CYP7B1: variants seen among roughly 807,000 people sequenced by gnomAD.
The protein encoded by CYP7B1 is cytochrome P450 family 7 subfamily B member 1.
CYP7B1 carries 29 observed loss-of-function variants against 42.7 expected under a neutral mutation model. That is an observed-to-expected ratio of 0.68 (90% CI 0.51 to 0.93). The LOEUF (loss-of-function observed/expected upper bound fraction) is 0.93, where lower values mean the gene tolerates loss of function less well. Ranked by LOEUF, CYP7B1 falls within the 40% of genes least tolerant of loss-of-function variation. The pLI is 0.00. For missense variants in CYP7B1, 655 were observed against 600.5 expected (o/e 1.09, Z -0.95); for synonymous variants, 235 against 218.2 (o/e 1.08, Z -0.68).
At chr8:64,719,479 T>C (rs1444150569) in intron 1 of CYP7B1, among the ~76,000 whole-genome samples, 1 of 152,230 alleles carries the variant, frequency 6.6e-6, no homozygotes. Flanking sequence ...TTGCTGCTTG[T>C]CAAAGTGACT....
intron 1 of CYP7B1, among the ~76,000 whole-genome samples, chr8:64,637,059 G>A (rs1805784478): frequency 6.6e-6 from 1 of 152,100 alleles, no homozygotes; most frequent in East Asian, 1.9e-4. Context: ...TTATTACAGA[G>A]GACTAGCCCA....
At chr8:64,754,227 G>A (rs1807773917) in intron 1 of CYP7B1, among the ~76,000 whole-genome samples, 1 of 152,242 alleles carries the variant, frequency 6.6e-6, no homozygotes, top group Non-Finnish European at 1.5e-5. Context: ...AAGTCGGGAA[G>A]AGTCTGAAAC....
chr8:64,744,197 G>T (rs1403283307), intron 1 of CYP7B1, among the ~76,000 whole-genome samples: 6 of 152,054 alleles, frequency 3.9e-5, no homozygotes, highest in Non-Finnish European at 1.5e-5. Flanking sequence ...ATGAAATATT[G>T]TCTGTTTATT....
chr8:64,733,987 TA>T (rs1193816485), intron 1 of CYP7B1, among the ~76,000 whole-genome samples: 1 of 151,618 alleles, frequency 6.6e-6, no homozygotes, highest in Non-Finnish European at 1.5e-5. Flanking sequence ...ATATTAAAAT[TA>T]AAATTAAAAA....
downstream of CYP7B1, among the ~76,000 whole-genome samples, chr8:64,590,696 C>A (rs1224074992): frequency 6.6e-6 from 1 of 152,008 alleles, no homozygotes; most frequent in Non-Finnish European, 1.5e-5. Context: ...AGGAGAGCAT[C>A]AGATGATAAG....
At chr8:64,769,329 T>G (rs922926886) in intron 1 of CYP7B1, among the ~76,000 whole-genome samples, 1 of 152,140 alleles carries the variant, frequency 6.6e-6, no homozygotes, top group African/African-American at 2.4e-5. Flanking sequence ...GAGACAATAG[T>G]AAGATTCAAT....
chr8:64,757,584 A>C (rs927713266), intron 1 of CYP7B1, among the ~76,000 whole-genome samples: 3 of 152,184 alleles, frequency 2.0e-5, no homozygotes, highest in African/African-American at 7.2e-5. Context: ...CCTATGTGGC[A>C]CCACTTCAAG....
intron 1 of CYP7B1, among the ~76,000 whole-genome samples, chr8:64,635,704 T>C (rs1805759553): frequency 6.6e-6 from 1 of 152,200 alleles, no homozygotes. Flanking sequence ...ATTTCTCAGG[T>C]GAATTCAGAG....
At chr8:64,646,534 T>C (rs143854272) in intron 1 of CYP7B1, among the ~76,000 whole-genome samples, 18 of 152,358 alleles carry the variant, frequency 1.2e-4, no homozygotes, top group Admixed American at 3.3e-4. Flanking sequence ...GAAGAGAATC[T>C]GTCCTTTGAA....
chr8:64,588,001 T>C (rs1292738767), downstream of CYP7B1, among the ~76,000 whole-genome samples: 1 of 152,172 alleles, frequency 6.6e-6, no homozygotes, highest in Non-Finnish European at 1.5e-5. Flanking sequence ...AGTTAATTCT[T>C]TCCCAAAGAC....
chr8:64,777,995 T>C (rs1004521244), intron 1 of CYP7B1, among the ~76,000 whole-genome samples: 5 of 151,826 alleles, frequency 3.3e-5, no homozygotes, highest in Admixed American at 6.6e-5. Flanking sequence ...GTGGGTATTA[T>C]GCCATATACT....
At chr8:64,784,733 G>A (rs76891674) in intron 1 of CYP7B1, among the ~76,000 whole-genome samples, 2,300 of 152,148 alleles carry the variant, frequency 0.015, 68 homozygotes, top group African/African-American at 0.05. Flanking sequence ...GAACTGAATC[G>A]CACTTATTTT....
chr8:64,771,086 G>C (rs969319908), intron 1 of CYP7B1, among the ~76,000 whole-genome samples: 1 of 48,246 alleles, frequency 2.1e-5, no homozygotes, highest in African/African-American at 9.6e-5. Flanking sequence ...TTTTTAGACA[G>C]GGTCTTGCTC....
chr8:64,672,861 G>A (rs1392434860), intron 1 of CYP7B1, among the ~76,000 whole-genome samples: 1 of 152,118 alleles, frequency 6.6e-6, no homozygotes, highest in African/African-American at 2.4e-5. Context: ...ATCAATGAGT[G>A]AGCCCCTTTG....
chr8:64,747,703 A>C (rs920698971), intron 1 of CYP7B1, among the ~76,000 whole-genome samples: 2 of 151,864 alleles, frequency 1.3e-5, no homozygotes, highest in African/African-American at 4.8e-5. Flanking sequence ...ATATAAATAT[A>C]ATATTCAACT....
chr8:64,643,154 C>CAT (rs1477432182), intron 1 of CYP7B1, among the ~76,000 whole-genome samples: 3,245 of 90,702 alleles, frequency 0.036, 286 homozygotes, highest in South Asian at 0.1. Context: ...TACATATATA[C>CAT]ATATATACAC....
At chr8:64,726,504 C>G (rs1423105751) in intron 1 of CYP7B1, among the ~76,000 whole-genome samples, 6 of 152,160 alleles carry the variant, frequency 3.9e-5, no homozygotes, top group African/African-American at 1.4e-4. Flanking sequence ...GGAACGGGCA[C>G]TAGATTGAAG....
intron 1 of CYP7B1, among the ~76,000 whole-genome samples, chr8:64,771,054 T>TTTTTC (rs1804215591): frequency 1.1e-5 from 1 of 94,624 alleles, no homozygotes; most frequent in African/African-American, 6.7e-5. Context: ...CATCTTTTTT[T>TTTTTC]TTTTTTTTTT....
intron 1 of CYP7B1, among the ~76,000 whole-genome samples, chr8:64,687,780 G>A (rs1031439276): frequency 2.0e-5 from 3 of 152,154 alleles, no homozygotes; most frequent in Non-Finnish European, 2.9e-5. Flanking sequence ...TCAAGTATGT[G>A]TTACTCCATA....
Sources: gnomAD v4.1 joint callset for allele counts (sites outside exome capture counted in the v4.1 genomes callset) on GRCh38, gnomAD v4.1.1 for gene constraint, MANE v1.5 for transcripts, NCBI Gene and HGNC (gene_info 2026-07-23, HGNC 2026-07-21) for gene names.